Variants in ELOVL6 observed in about 807,000 individuals in gnomAD.
The protein encoded by ELOVL6 is ELOVL fatty acid elongase 6, also known as very long chain fatty acid elongase 6.
A neutral mutation model predicts 31.7 loss-of-function variants in ELOVL6; 8 were observed. The observed-to-expected ratio is 0.25, with a 90% CI of 0.15 to 0.45. The LOEUF is 0.45. Ranked by LOEUF, ELOVL6 falls within the 20% of genes least tolerant of loss-of-function variation. The pLI, the probability that ELOVL6 is intolerant of heterozygous loss-of-function variation, is 1.00. For missense variants in ELOVL6, 126 were observed against 326.4 expected, an observed-to-expected ratio of 0.39 and a Z score of 4.73; for synonymous variants, 101 against 117.7, an observed-to-expected ratio of 0.86 and a Z score of 0.92.
In ELOVL6 at chr4:110,122,516, A is replaced by G. The variant is rs1019946097; in HGVS notation, c.90-16888T>C. ...GCCTTCCTCCCAAGTAGCTGGGACT[A>G]CAGGTGCTTGTCACCACACCTGGCT... is the stretch of plus-strand genomic sequence containing the variant. On this transcript the variant is annotated intron_variant, in intron 1 of 3. Coordinates refer to ENST00000302274, the MANE Select transcript of ELOVL6 (RefSeq NM_024090.3). Among the ~76,000 whole-genome samples, 11 of 152,254 alleles carry G rather than the reference A, an allele frequency of 7.2e-5. No individual in the cohort carries two copies. In the East Asian group the frequency reaches 1.5e-3, roughly 21 times the overall value.
chr4:110,180,496 C>T (rs1759240178), intron 1 of ELOVL6, among the ~76,000 whole-genome samples: 1 of 152,196 alleles, frequency 6.6e-6, no homozygotes, highest in Non-Finnish European at 1.5e-5. Flanking sequence ...AATCCTCCTG[C>T]TTCAGCCTCC....
At chr4:110,132,422 T>A (rs920770268) in intron 1 of ELOVL6, among the ~76,000 whole-genome samples, 6 of 152,022 alleles carry the variant, frequency 3.9e-5, no homozygotes, top group Admixed American at 6.6e-5. Flanking sequence ...ACAGAAGAGA[T>A]AGAACAGAGA....
chr4:110,046,650 C>T lies in ELOVL6; in HGVS notation c.*4688G>A, dbSNP rs1452708581. 2.0e-5 allele frequency: 3 copies of T among 152,148 alleles called. No individual in the cohort carries two copies. The highest frequency in any genetic ancestry group is 4.4e-5 in the Non-Finnish European group (3 of 68,050). 9.4% of individuals were successfully genotyped at this position (152,148 alleles called of 1,614,324 possible). ...AAAGCTCTGTGCATGTGCCCTGTAC[C>T]GGCCTCTTTAGCTATGAGTTGTGCC... is the stretch of plus-strand genomic sequence containing the variant. On this transcript the variant is annotated 3_prime_UTR_variant, in exon 4 of 4. Transcript: ENST00000302274.
chr4:110,084,378 T>TATATACCGCATATATGATATATG (rs1756118876), intron 2 of ELOVL6, among the ~76,000 whole-genome samples: 1 of 46,662 alleles, frequency 2.1e-5, no homozygotes, highest in Admixed American at 3.3e-4. Context: ...TGATATATGA[T>TATATACCGCATATATGATATATG]ATATATCGCA....
intron 1 of ELOVL6, among the ~76,000 whole-genome samples, chr4:110,192,410 T>A (rs528557704): frequency 6.6e-6 from 1 of 152,102 alleles, no homozygotes; most frequent in Non-Finnish European, 1.5e-5. Flanking sequence ...ATGTCTGCAT[T>A]TGAAAAGTTT....
At chr4:110,081,858 A>C (rs1755865579) in intron 2 of ELOVL6, among the ~76,000 whole-genome samples, 1 of 149,894 alleles carries the variant, frequency 6.7e-6, no homozygotes. Flanking sequence ...ACAAAGGGTT[A>C]ATACCCAGAA....
At chr4:110,067,556 C>T (rs906594817) in intron 2 of ELOVL6, among the ~76,000 whole-genome samples, 2 of 152,048 alleles carry the variant, frequency 1.3e-5, no homozygotes, top group Non-Finnish European at 2.9e-5. Flanking sequence ...CTTCTTCACA[C>T]GGTAGCAGAA....
At chr4:110,135,689 A>G (rs1017711012) in intron 1 of ELOVL6, among the ~76,000 whole-genome samples, 1 of 152,218 alleles carries the variant, frequency 6.6e-6, no homozygotes, top group Non-Finnish European at 1.5e-5. Flanking sequence ...CTCCTCTTGT[A>G]GTAACTGACC....
intron 2 of ELOVL6, among the ~76,000 whole-genome samples, chr4:110,071,231 T>G (rs1755471566): frequency 6.6e-6 from 1 of 152,210 alleles, no homozygotes; most frequent in African/African-American, 2.4e-5. Context: ...CATTCCATCT[T>G]TACAATCTTT....
At chr4:110,147,278 TAAA>T (rs34418243) in intron 1 of ELOVL6, 3,733 of 129,480 alleles carry the variant, frequency 0.029, 57 homozygotes, top group Non-Finnish European at 0.045. Flanking sequence ...CAATTAAAAG[TAAA>T]AAAAAAAAAA....
At chr4:110,187,637 A>T (rs778611500) in intron 1 of ELOVL6, among the ~76,000 whole-genome samples, 12 of 151,492 alleles carry the variant, frequency 7.9e-5, no homozygotes, top group Non-Finnish European at 1.2e-4. Context: ...CAGAGGTTGC[A>T]GTGAGCCAAG....
intron 1 of ELOVL6, among the ~76,000 whole-genome samples, chr4:110,176,710 C>G (rs758175214): frequency 1.3e-5 from 2 of 152,170 alleles, no homozygotes; most frequent in Admixed American, 1.3e-4. Context: ...TGGTTTAAGC[C>G]TCTCAAGGCG....
chr4:110,084,584 A>ATTTTTTT (rs1756181593), intron 2 of ELOVL6, among the ~76,000 whole-genome samples: 1 of 54,886 alleles, frequency 1.8e-5, no homozygotes, highest in African/African-American at 1.4e-4. Context: ...ATATATATAT[A>ATTTTTTT]TATATTTTTT....
chr4:110,068,817 G>A (rs867458925), intron 2 of ELOVL6, among the ~76,000 whole-genome samples: 24 of 152,198 alleles, frequency 1.6e-4, no homozygotes, highest in Non-Finnish European at 2.9e-4. Context: ...AAAACCACCT[G>A]GCAGAGTGAG....
At chr4:110,084,941 T>C (rs1756206906) in intron 2 of ELOVL6, among the ~76,000 whole-genome samples, 1 of 152,060 alleles carries the variant, frequency 6.6e-6, no homozygotes, top group Non-Finnish European at 1.5e-5. Flanking sequence ...CTAAGGCTAT[T>C]GGCCTGAGCA....
intron 1 of ELOVL6, among the ~76,000 whole-genome samples, chr4:110,106,846 G>A (rs1359514257): frequency 6.6e-6 from 1 of 152,074 alleles, no homozygotes; most frequent in Non-Finnish European, 1.5e-5. Flanking sequence ...CAACAGTACT[G>A]ATAATGCCAA....
At chr4:110,174,963 C>T (rs775490088) in intron 1 of ELOVL6, among the ~76,000 whole-genome samples, 17 of 151,592 alleles carry the variant, frequency 1.1e-4, no homozygotes, top group Non-Finnish European at 2.2e-4. Context: ...TCTAATTTTA[C>T]GGACCAAATA....
intron 1 of ELOVL6, among the ~76,000 whole-genome samples, chr4:110,193,467 T>C (rs1261248943): frequency 1.3e-5 from 2 of 152,090 alleles, no homozygotes; most frequent in Admixed American, 6.5e-5. Flanking sequence ...TAGCTTGGTG[T>C]CATGGCAGGC....
In ELOVL6 at chr4:110,051,447, T is replaced by A; in HGVS notation, c.689A>T (p.Gln230Leu). 1.2e-6 allele frequency: 2 copies of A among 1,614,178 alleles called. No homozygotes were observed. The highest frequency in any genetic ancestry group is 1.7e-6 in the Non-Finnish European group (2 of 1,180,022). The change falls in exon 4 of 4, where the codon CAG (glutamine) becomes CTG (leucine). Residue 230 changes from glutamine to leucine, a missense_variant. Gln to Leu is a moderately radical substitution (Grantham distance 113, BLOSUM62 -2). Coordinates refer to ENST00000302274, the MANE Select transcript of ELOVL6 (RefSeq NM_024090.3). The surrounding 1 kb of genome is among the most constrained non-coding windows in gnomAD (Gnocchi z 4.8). The part of the protein sequence containing the change: ...MQHDQCHSHF[Q>L]NIFWSSLMYL... ...CATGAGTGAGGACCAGAAGATGTTC[T>A]GAAAGTGAGAGTGACACTGGTCATG...
Sources: gnomAD v4.1 joint callset for allele counts (sites outside exome capture counted in the v4.1 genomes callset) on GRCh38, gnomAD v4.1.1 for gene constraint, Gnocchi (gnomAD v3.1) non-coding constraint, MANE v1.5 for transcripts, NCBI Gene and HGNC (gene_info 2026-07-23, HGNC 2026-07-21) for gene names.